Variants in EFCAB7 observed in about 807,000 individuals in gnomAD.
EFCAB7 encodes the protein EF-hand calcium binding domain 7, also known as EF-hand calcium-binding domain-containing protein 7.
A neutral mutation model predicts 77.1 loss-of-function variants in EFCAB7; 66 were observed. That is an observed-to-expected ratio of 0.86 (90% CI 0.70 to 1.05). EFCAB7 has a LOEUF of 1.05. Among genes scored for constraint, EFCAB7 ranks in the 50% least tolerant of loss-of-function variants. The pLI is 0.00. For synonymous variants in EFCAB7, 225 were observed against 243.3 expected, an observed-to-expected ratio of 0.92 and a Z score of 0.70; for missense variants, 638 against 730.5, an observed-to-expected ratio of 0.87 and a Z score of 1.46.
chr1:63,563,015 T>C (rs531711482), intron 11 of EFCAB7, among the ~76,000 whole-genome samples: 18 of 152,222 alleles, frequency 1.2e-4, no homozygotes, highest in African/African-American at 4.3e-4. Flanking sequence ...AGGTGAATAG[T>C]TATGGTAACT....
At chr1:63,550,704 T>C (rs1646954307) in intron 7 of EFCAB7, 1 of 151,654 alleles carries the variant, frequency 6.6e-6, no homozygotes. Context: ...TGGGACATTA[T>C]TGTAGAATTC....
At position 63,535,551 on chromosome 1, in the gene EFCAB7, C is replaced by T. The variant is rs140263333; in HGVS notation, c.804+1335C>T. Reference sequence around the variant, plus strand: ...AGATCTACCTGGGCTTGAATCTTAGCTTTATCACTTAATAACTGTGTGATC... The same window carrying T: ...AGATCTACCTGGGCTTGAATCTTAGTTTTATCACTTAATAACTGTGTGATC... On this transcript the variant is annotated intron_variant, in intron 6 of 13. Transcript: ENST00000371088. 1.9e-3 allele frequency among the ~76,000 whole-genome samples: 288 copies of T among 152,104 alleles called. 1 individual carries two copies. The highest frequency in any genetic ancestry group is 6.7e-3 in the African/African-American group (278 of 41,520).
At chr1:63,573,835 C>G (rs778252537), downstream of EFCAB7, among the ~76,000 whole-genome samples, 3 of 151,138 alleles carry the variant, frequency 2.0e-5, no homozygotes, top group Non-Finnish European at 4.4e-5. Context: ...ATTGTCCAGT[C>G]CTTTTTAAGT....
chr1:63,545,733 GC>G (rs1317888576), intron 6 of EFCAB7, among the ~76,000 whole-genome samples, 182 bp from the exon 7 acceptor site: 1 of 152,196 alleles, frequency 6.6e-6, no homozygotes, highest in Non-Finnish European at 1.5e-5. Flanking sequence ...GAGCCACCAT[GC>G]CCTGTGTATA....
intron 11 of EFCAB7, among the ~76,000 whole-genome samples, chr1:63,565,820 CA>C (rs1388485050): frequency 2.6e-5 from 4 of 151,974 alleles, no homozygotes; most frequent in Non-Finnish European, 5.9e-5. Context: ...CACACCTGTC[CA>C]AATGGCTATT....
intron 2 of EFCAB7, 58 bp downstream of exon 2, chr1:63,525,817 C>A: frequency 8.4e-7 from 1 of 1,189,542 alleles, no homozygotes; most frequent in East Asian, 2.7e-5. Context: ...ATAAATAGGT[C>A]CGAAAGACTG....
chr1:63,532,939 T>C (rs1646716798), intron 4 of EFCAB7, among the ~76,000 whole-genome samples, 183 bp downstream of exon 4: 1 of 152,160 alleles, frequency 6.6e-6, no homozygotes. Flanking sequence ...GCAAATTATT[T>C]TTAAAGGGAT....
chr1:63,534,489 G>T, intron 6 of EFCAB7: 1 of 230,092 alleles, frequency 4.3e-6, no homozygotes, highest in Non-Finnish European at 8.4e-6. Flanking sequence ...CAAATTTTTT[G>T]TTTTGTTTAA....
chr1:63,534,366 A>G, intron 6 of EFCAB7, 150 bp downstream of exon 6: 1 of 561,946 alleles, frequency 1.8e-6, no homozygotes. Flanking sequence ...AGCTAGTGTA[A>G]TACTTTTAAA....
chr1:63,562,174 G>C lies in EFCAB7; in HGVS notation c.1497+317G>C, dbSNP rs1217202941. Among the ~76,000 whole-genome samples the C allele has an allele frequency of 7.2e-5, 11 of 151,896 alleles. No homozygotes were observed. In the East Asian group the frequency reaches 2.1e-3, roughly 29 times the overall value. On this transcript the variant is annotated intron_variant, in intron 11 of 13. Transcript: ENST00000371088. ...GAGTTACTAAAGTCTCATTTCTATA[G>C]GGAAACACTTTGTCTTAACAGTTTA... is the stretch of plus-strand genomic sequence containing the variant.
At chr1:63,577,645 T>C (rs1275644249), downstream of EFCAB7, among the ~76,000 whole-genome samples, 1 of 152,232 alleles carries the variant, frequency 6.6e-6, no homozygotes, top group Non-Finnish European at 1.5e-5. Flanking sequence ...CCAATTAGCA[T>C]GTATCTATTA....
chr1:63,525,638 T>C lies in EFCAB7; in HGVS notation c.66T>C (p.Pro22=). The C allele has an allele frequency of 1.9e-6, 3 of 1,603,552 alleles. No homozygotes were observed. Among genetic ancestry groups the C allele is most frequent in the Non-Finnish European group, 2.5e-6 (3 of 1,177,830 alleles). Residue 22 remains proline, a synonymous_variant, in exon 2 of 14, where the codon CCT becomes CCC. Transcript: ENST00000371088. Reference sequence around the variant, plus strand: ...AGAAATCAACACCTTCAGAGAGTCCTCGAACAAAGAAATTTCCACTAACTG... The same window carrying C: ...AGAAATCAACACCTTCAGAGAGTCCCCGAACAAAGAAATTTCCACTAACTG... ...SSQKSTPSES[P]RTKKFPLTEE...
the EFCAB7 span, among the ~76,000 whole-genome samples, chr1:63,583,193 A>G: frequency 6.6e-6 from 1 of 152,216 alleles, no homozygotes; most frequent in Non-Finnish European, 1.5e-5. Flanking sequence ...ACCAGGATTT[A>G]AGGCAGGAAG....
intron 6 of EFCAB7, among the ~76,000 whole-genome samples, chr1:63,534,656 C>T (rs1198818558): frequency 6.6e-6 from 1 of 152,058 alleles, no homozygotes; most frequent in East Asian, 1.9e-4. Context: ...TCAACCTTTA[C>T]TAGTTTTCTT....
chr1:63,548,761 T>C (rs1646929438), intron 7 of EFCAB7: 1 of 152,298 alleles, frequency 6.6e-6, no homozygotes, highest in South Asian at 2.1e-4. Flanking sequence ...AAAGTTATGA[T>C]TTTGTAGTTC....
chr1:63,539,023 T>C (rs1220398718), intron 6 of EFCAB7, among the ~76,000 whole-genome samples: 1 of 152,336 alleles, frequency 6.6e-6, no homozygotes, highest in East Asian at 1.9e-4. Flanking sequence ...CCAAAGAAAC[T>C]CACAAATTCT....
At chr1:63,568,784 G>A in intron 12 of EFCAB7, 1 of 296,698 alleles carries the variant, frequency 3.4e-6, no homozygotes, top group East Asian at 6.4e-5. Context: ...AGCACAATCT[G>A]GGTACAAAGT....
chr1:63,579,816 T>C, the EFCAB7 span, among the ~76,000 whole-genome samples: 1 of 152,226 alleles, frequency 6.6e-6, no homozygotes, highest in Non-Finnish European at 1.5e-5. Context: ...GAACAACTTT[T>C]CATAGGCTTG....
At chr1:63,542,145 T>G (rs556574859) in intron 6 of EFCAB7, among the ~76,000 whole-genome samples, 1 of 152,186 alleles carries the variant, frequency 6.6e-6, no homozygotes, top group Non-Finnish European at 1.5e-5. Flanking sequence ...CTACTTTCTG[T>G]CTCTCTGAAT....
Sources: allele counts gnomAD v4.1 joint callset (sites outside exome capture counted in the v4.1 genomes callset), GRCh38; gene constraint gnomAD v4.1.1; transcripts MANE v1.5; gene names NCBI Gene and HGNC (gene_info 2026-07-23, HGNC 2026-07-21).